Variants in TNPO2 observed in about 807,000 individuals in gnomAD.
TNPO2 encodes transportin 2.
TNPO2 carries 16 observed loss-of-function variants against 111.1 expected under a neutral mutation model. The ratio of observed to expected loss-of-function variants is 0.14; its 90% CI spans 0.10 to 0.22. The LOEUF is 0.22. TNPO2 is among the 10% of genes least tolerant of loss of function. The pLI, the probability that TNPO2 is intolerant of heterozygous loss-of-function variation, is 1.00. For missense variants in TNPO2, 530 were observed against 1,173.7 expected (o/e 0.45, Z 8.01); for synonymous variants, 481 against 475.8 (o/e 1.01, Z -0.14).
At chr19:12,703,637 GTCATCCCCGGGTAT>G (rs2025459851) in intron 19 of TNPO2, 63 bp downstream of exon 19, 1 of 1,576,428 alleles carries the variant, frequency 6.3e-7, no homozygotes, top group African/African-American at 1.3e-5. Flanking sequence ...TGTGGTCACA[GTCATCCCCGGGTAT>G]TGCTCTCCAT....
At chr19:12,717,924 C>T (rs567487407) in intron 5 of TNPO2, among the ~76,000 whole-genome samples, 3 of 152,248 alleles carry the variant, frequency 2.0e-5, no homozygotes, top group Non-Finnish European at 2.9e-5. Flanking sequence ...TCAAGTGATC[C>T]GCCTGCCTTG....
rs1178569381 is a variant in TNPO2 at position 12,719,320 on chromosome 19, T to C, written c.116A>G (p.Asn39Ser). 3.7e-6 allele frequency: 6 copies of C among 1,613,854 alleles called. No homozygotes were observed. The highest frequency in any genetic ancestry group is 4.2e-6 in the Non-Finnish European group (5 of 1,179,844). Residue 39 changes from asparagine (N) to serine (S), a missense_variant, in exon 4 of 26, where the codon AAT becomes AGT. Physicochemically the swap from Asn to Ser is conservative, Grantham distance 46 (BLOSUM62 1). Transcript: ENST00000425528. The surrounding 1 kb of genome is among the most constrained non-coding windows in gnomAD (Gnocchi z 5.0). ...GTAGTTGTTGAAGTCAGGAAACTGA[T>C]TGAGTTGTTTGAGTTTCTGCCAGGC... ...RIVQDKLKQL[N>S]QFPDFNNYLI...
chr19:12,702,738 G>T lies in TNPO2; in HGVS notation c.2305+85C>A. On this transcript the variant is annotated intron_variant, in intron 21 of 25. Coordinates refer to ENST00000425528, the MANE Select transcript of TNPO2 (RefSeq NM_001382241.1). The surrounding 1 kb of genome is among the most constrained non-coding windows in gnomAD (Gnocchi z 5.5). ...ACACCCTCCTTGGTTCCTTGACAAG[G>T]CTCTTTCTGATGCCCTTCCCAGCCC... 8.0e-7 allele frequency: 1 copy of T among 1,252,714 alleles called. No homozygotes were observed. Among genetic ancestry groups the T allele is most frequent in the Non-Finnish European group, 1.2e-6 (1 of 863,052 alleles). The allele number at this position is 1,252,714 out of a possible 1,614,324, so 77.6% of individuals were successfully genotyped here. A position where few individuals can be genotyped will look rare whatever the true frequency, so the allele number is the denominator to read the frequency against.
At position 12,721,126 on chromosome 19, in the gene TNPO2, C is replaced by T. The variant is rs1325622764; in HGVS notation, c.-13-136G>A. ...GACAGGCGGAGGCCTCCGATCCACG[C>T]CCGCCCAAGTGCGGGGTCCCCGCCA... On this transcript the variant is annotated intron_variant, in intron 2 of 25. Coordinates refer to ENST00000425528, the MANE Select transcript of TNPO2 (RefSeq NM_001382241.1). The surrounding 1 kb of genome is among the most constrained non-coding windows in gnomAD (Gnocchi z 4.9). 5 of 1,491,636 alleles carry T rather than the reference C, an allele frequency of 3.4e-6. No individual in the cohort carries two copies. Among genetic ancestry groups the T allele is most frequent in the Non-Finnish European group, 4.4e-6 (5 of 1,128,126 alleles). 92.4% of individuals were successfully genotyped at this position (1,491,636 alleles called of 1,614,324 possible). A position where few individuals can be genotyped will look rare whatever the true frequency, so the allele number is the denominator to read the frequency against.
rs1017583879 is a variant in TNPO2 at position 12,700,115 on chromosome 19, A to G, written c.*1149T>C. 4 of 152,098 alleles carry G rather than the reference A, an allele frequency of 2.6e-5. No homozygotes were observed. The highest frequency in any genetic ancestry group is 1.3e-4 in the Admixed American group (2 of 15,264). The allele number at this position is 152,098 out of a possible 1,614,324, so 9.4% of individuals were successfully genotyped here. ...TCTGGGCTCACTGGGTACTATGATG[A>G]GCAGGAAGTCCCAGGGAGATGGAAT... On this transcript the variant is annotated 3_prime_UTR_variant, in exon 26 of 26. Transcript: ENST00000425528.
rs747717622 is a variant in TNPO2 at position 12,702,175 on chromosome 19, G to A, written c.2308C>T (p.Arg770Cys). ...TPKTLLENTG[R>C]LTSPSAIPAI... ...GGAATGGCAGAGGGACTCGTCAGGC[G>A]ACCTGCAACCCCGAGCGGCCCCGGG... The change falls in exon 22 of 26, where the codon CGC becomes TGC. Residue 770 changes from arginine (R) to cysteine (C), a missense_variant and splice_region_variant. Around this residue, in one of 4 missense-constraint regions of TNPO2, gnomAD observed 183 missense variants for 481.0 expected, o/e 0.38. Coordinates refer to ENST00000425528, the MANE Select transcript of TNPO2 (RefSeq NM_001382241.1). This position sits in a 1 kb window ranked among gnomAD's most constrained non-coding sequence, Gnocchi z 5.5. 17 of 1,612,668 alleles carry A rather than the reference G, an allele frequency of 1.1e-5. No homozygotes were observed. The highest frequency in any genetic ancestry group is 3.3e-5 in the South Asian group (3 of 91,018).
intron 13 of TNPO2, among the ~76,000 whole-genome samples, chr19:12,707,954 G>C (rs2025797376): frequency 6.6e-6 from 1 of 152,114 alleles, no homozygotes; most frequent in Non-Finnish European, 1.5e-5. Context: ...CCCAGTAGCT[G>C]GGACTACAGG....
chr19:12,713,546 C>G (rs2026188650), intron 10 of TNPO2, among the ~76,000 whole-genome samples: 1 of 151,974 alleles, frequency 6.6e-6, no homozygotes, highest in Admixed American at 6.6e-5. Context: ...CGTGGTGACT[C>G]ACGCCTGTAA....
intron 10 of TNPO2, among the ~76,000 whole-genome samples, chr19:12,712,781 G>A (rs954581694): frequency 1.3e-5 from 2 of 152,230 alleles, no homozygotes; most frequent in African/African-American, 2.4e-5. Context: ...ACCGGTCTCC[G>A]CGCATTGGTG....
intron 10 of TNPO2, among the ~76,000 whole-genome samples, chr19:12,712,425 T>C (rs2026117030): frequency 6.6e-6 from 1 of 152,210 alleles, no homozygotes; most frequent in Non-Finnish European, 1.5e-5. Context: ...TGCCCGCAGT[T>C]ATCCGGAGGC....
rs377507700 is a variant in TNPO2, at chr19:12,711,504, C to T, written c.952-43G>A. 31 of 1,613,708 alleles carry T rather than the reference C, an allele frequency of 1.9e-5. No homozygotes were observed. In the African/African-American group the frequency reaches 2.8e-4, roughly 15 times the overall value. ...TGTTAAGTACTTTGGGGACCACAGC[C>T]GCGACACCCACGCCCATGCCCACCC... On this transcript the variant is annotated intron_variant, in intron 11 of 25. Coordinates refer to ENST00000425528, the MANE Select transcript of TNPO2 (RefSeq NM_001382241.1).
rs763421945 is a variant in TNPO2 at position 12,705,498 on chromosome 19, C to T, written c.1857G>A (p.Gln619=). The T allele has an allele frequency of 6.3e-7, 1 of 1,594,614 alleles. No individual in the cohort carries two copies. Among genetic ancestry groups the T allele is most frequent in the Non-Finnish European group, 8.5e-7 (1 of 1,171,114 alleles). The change falls in exon 17 of 26, where the codon CAG becomes CAA. Residue 619 remains glutamine (Q), a synonymous_variant. Coordinates refer to ENST00000425528, the MANE Select transcript of TNPO2 (RefSeq NM_001382241.1). The surrounding 1 kb of genome is among the most constrained non-coding windows in gnomAD (Gnocchi z 7.2). The stretch of plus-strand genomic sequence containing the variant: ...CGGGCCTAGGGTTGCTCACCATGGC[C>T]TGAGCCAGTGTCTTCTGCACCAGGG... ...CVTLVQKTLA[Q]AMMYTQHPEQ... is the part of the protein sequence containing the mutation.
chr19:12,703,060 C>G, intron 20 of TNPO2, 142 bp from the exon 21 acceptor site: 1 of 712,114 alleles, frequency 1.4e-6, no homozygotes, highest in Non-Finnish European at 2.4e-6. Flanking sequence ...AAGACCTTCT[C>G]CGGCTAATCC....
rs56703491 is a variant in TNPO2 at position 12,705,008 on chromosome 19, A to T, written c.2022+232T>A. ...TTCTATTTTCAATACTGTTTGCTTT[A>T]AAAAAAATTTTTTTTTTTAATTTTA... is the stretch of plus-strand genomic sequence containing the variant. On this transcript the variant is annotated intron_variant, in intron 18 of 25. Coordinates refer to ENST00000425528, the MANE Select transcript of TNPO2 (RefSeq NM_001382241.1). This position sits in a 1 kb window ranked among gnomAD's most constrained non-coding sequence, Gnocchi z 7.2. 0.041 allele frequency among the ~76,000 whole-genome samples: 6,190 copies of T among 151,746 alleles called. 430 individuals are homozygous for T. Among genetic ancestry groups the T allele is most frequent in the African/African-American group, 0.14 (5,854 of 41,218 alleles).
Position 12,719,777 on chromosome 19 carries a change from C to T in TNPO2, c.100-441G>A, listed in dbSNP as rs113467694. Among the ~76,000 whole-genome samples, 23 of 149,988 alleles carry T rather than the reference C, an allele frequency of 1.5e-4. No individual in the cohort carries two copies. The South Asian group carries it at 2.5e-3, about 16-fold the overall frequency. On this transcript the variant is annotated intron_variant, in intron 3 of 25. Coordinates refer to ENST00000425528, the MANE Select transcript of TNPO2 (RefSeq NM_001382241.1). This position sits in a 1 kb window ranked among gnomAD's most constrained non-coding sequence, Gnocchi z 5.0. ...TTGCGCCTCTGCATTCCAGTCTGGG[C>T]GACAGAGCAAGACTCCATCTTGAAA...
chr19:12,699,420 A>C lies in TNPO2; in HGVS notation c.*1844T>G, dbSNP rs930149443. 7 of 167,754 alleles carry C rather than the reference A, an allele frequency of 4.2e-5. 1 individual carries two copies. The highest frequency in any genetic ancestry group is 1.7e-4 in the African/African-American group (7 of 41,338). The allele number at this position is 167,754 out of a possible 1,614,324, so 10.4% of individuals were successfully genotyped here. A position where few individuals can be genotyped will look rare whatever the true frequency, so the allele number is the denominator to read the frequency against. ...TTGAGAAGCTGAAACTTCATTGTGC[A>C]AAAAACAACCAAAAATAAATTAAAA... On this transcript the variant is annotated 3_prime_UTR_variant, in exon 26 of 26. Coordinates refer to ENST00000425528, the MANE Select transcript of TNPO2 (RefSeq NM_001382241.1).
intron 3 of TNPO2, 23 bp downstream of exon 3, chr19:12,720,856 G>C (rs1250451911): frequency 6.4e-7 from 1 of 1,571,608 alleles, no homozygotes; most frequent in South Asian, 1.2e-5. Flanking sequence ...GGCTCCCCCA[G>C]CCCCGGAAGG....
At position 12,714,811 on chromosome 19, in the gene TNPO2, C is replaced by T. The variant is rs1173530220; in HGVS notation, c.890+10G>A. The stretch of plus-strand genomic sequence containing the variant: ...GCTGGGGTAGGACAGTGGGCAGCAG[C>T]AGCACTCACTGGACCAGATGGGAGG... On this transcript the variant is annotated intron_variant, in intron 10 of 25. Coordinates refer to ENST00000425528, the MANE Select transcript of TNPO2 (RefSeq NM_001382241.1). The T allele has an allele frequency of 1.9e-6, 3 of 1,609,130 alleles. No homozygotes were observed. Among genetic ancestry groups the T allele is most frequent in the Non-Finnish European group, 2.6e-6 (3 of 1,175,672 alleles).
At chr19:12,716,989 C>T (rs2026397206) in intron 5 of TNPO2, among the ~76,000 whole-genome samples, 1 of 152,090 alleles carries the variant, frequency 6.6e-6, no homozygotes, top group Non-Finnish European at 1.5e-5. Flanking sequence ...ATACAGCAGG[C>T]ATCTGAGGTG....
Sources: allele counts gnomAD v4.1 joint callset (sites outside exome capture counted in the v4.1 genomes callset), GRCh38; gene constraint gnomAD v4.1.1; regional missense constraint gnomAD v4.1.1; non-coding constraint Gnocchi (gnomAD v3.1); transcripts MANE v1.5; gene names NCBI Gene and HGNC (gene_info 2026-07-23, HGNC 2026-07-21).